Variants in DLGAP2 observed in about 807,000 individuals in gnomAD.
DLGAP2 encodes the protein DLG associated protein 2, also known as disks large-associated protein 2.
A neutral mutation model predicts 100.3 loss-of-function variants in DLGAP2; 26 were observed. The ratio of observed to expected loss-of-function variants is 0.26; its 90% CI spans 0.19 to 0.36. DLGAP2 has a LOEUF of 0.36. Among genes scored for constraint, DLGAP2 ranks in the 10% least tolerant of loss-of-function variants. DLGAP2 has a pLI of 1.00. For synonymous variants in DLGAP2, 886 were observed against 630.1 expected (o/e 1.41, Z -6.08); for missense variants, 1,858 against 1,453.2 (o/e 1.28, Z -4.53).
At chr8:1,366,744 C>T (rs1468559832) in intron 3 of DLGAP2, among the ~76,000 whole-genome samples, 2 of 152,142 alleles carry the variant, frequency 1.3e-5, no homozygotes, top group African/African-American at 2.4e-5. Flanking sequence ...GAGCAGGCAT[C>T]ATCCAGGAGG....
At chr8:1,051,387 G>GATCCAA (rs1802707134) in intron 2 of DLGAP2, among the ~76,000 whole-genome samples, 1 of 152,056 alleles carries the variant, frequency 6.6e-6, no homozygotes, top group Non-Finnish European at 1.5e-5. Flanking sequence ...GATGCAGAAT[G>GATCCAA]ATCCAATACC....
chr8:1,468,949 A>G (rs1408828034), intron 3 of DLGAP2, among the ~76,000 whole-genome samples: 1 of 152,146 alleles, frequency 6.6e-6, no homozygotes, highest in African/African-American at 2.4e-5. Context: ...TCGTCCTGGT[A>G]TTAGGACCAC....
intron 2 of DLGAP2, among the ~76,000 whole-genome samples, chr8:1,225,131 G>T (rs13263535): frequency 0.59 from 89,649 of 152,110 alleles, 27,924 homozygotes; most frequent in East Asian, 0.79. Flanking sequence ...GTGCGGGAGC[G>T]TCCATGCTCA....
At chr8:822,051 T>C (rs1796593177) in intron 1 of DLGAP2, 1 of 398,730 alleles carries the variant, frequency 2.5e-6, no homozygotes, top group South Asian at 1.3e-4. Flanking sequence ...TATTTACCCT[T>C]TTTATCACAT....
chr8:1,246,344 T>C (rs1798899990), intron 2 of DLGAP2, among the ~76,000 whole-genome samples: 1 of 152,360 alleles, frequency 6.6e-6, no homozygotes. Flanking sequence ...TTTCAAGCGA[T>C]GGTGCTTTTG....
intron 1 of DLGAP2, among the ~76,000 whole-genome samples, chr8:745,617 A>G (rs1820599745): frequency 6.6e-6 from 1 of 152,240 alleles, no homozygotes; most frequent in Non-Finnish European, 1.5e-5. Context: ...TGAATTTACA[A>G]TAAGTTAGCT....
intron 3 of DLGAP2, among the ~76,000 whole-genome samples, chr8:1,466,900 A>G (rs372368984): frequency 5.3e-4 from 81 of 151,972 alleles, no homozygotes; most frequent in African/African-American, 1.9e-3. Context: ...TCCCTTAACT[A>G]CAGCCTAAAC....
chr8:1,168,592 A>G (rs1221781968), intron 2 of DLGAP2, among the ~76,000 whole-genome samples: 41 of 149,160 alleles, frequency 2.7e-4, no homozygotes, highest in African/African-American at 8.2e-4. Flanking sequence ...GTGAGATGAT[A>G]TCTCATTGTG....
At chr8:1,120,005 G>A (rs1316149434) in intron 2 of DLGAP2, among the ~76,000 whole-genome samples, 1 of 152,188 alleles carries the variant, frequency 6.6e-6, no homozygotes, top group African/African-American at 2.4e-5. Context: ...GGGCTGGGCT[G>A]AAAAATGAGT....
At chr8:1,151,761 C>G (rs899971654) in intron 2 of DLGAP2, among the ~76,000 whole-genome samples, 7 of 152,180 alleles carry the variant, frequency 4.6e-5, no homozygotes, top group African/African-American at 1.7e-4. Flanking sequence ...CAGGATCAGG[C>G]ATTTAGGTTG....
intron 3 of DLGAP2, among the ~76,000 whole-genome samples, chr8:1,323,186 C>T (rs978468972): frequency 2.6e-5 from 4 of 152,130 alleles, no homozygotes; most frequent in East Asian, 3.9e-4. Context: ...CCAGCCTCCA[C>T]GCCCGGCTTA....
At chr8:1,150,771 A>G (rs1349865530) in intron 2 of DLGAP2, among the ~76,000 whole-genome samples, 2 of 152,226 alleles carry the variant, frequency 1.3e-5, no homozygotes, top group Non-Finnish European at 2.9e-5. Flanking sequence ...ACTCAAAAAC[A>G]TAGATGAGTT....
intron 1 of DLGAP2, among the ~76,000 whole-genome samples, chr8:903,013 A>G (rs1271785029): frequency 1.5e-3 from 7 of 4,574 alleles, no homozygotes; most frequent in African/African-American, 6.5e-3. Flanking sequence ...GTGGGTGGGC[A>G]GGGGTGGGGG....
At chr8:791,900 C>G (rs1040766196) in intron 1 of DLGAP2, among the ~76,000 whole-genome samples, 1 of 152,116 alleles carries the variant, frequency 6.6e-6, no homozygotes, top group African/African-American at 2.4e-5. Context: ...AGTTGCACAC[C>G]CCATTGGAGT....
At chr8:926,155 C>T (rs577276853) in intron 2 of DLGAP2, among the ~76,000 whole-genome samples, 6 of 152,240 alleles carry the variant, frequency 3.9e-5, no homozygotes, top group East Asian at 1.9e-4. Flanking sequence ...GTGAGCGGCT[C>T]GCCTGTGGTC....
At chr8:1,223,877 C>A (rs369587945) in intron 2 of DLGAP2, among the ~76,000 whole-genome samples, 2 of 152,174 alleles carry the variant, frequency 1.3e-5, no homozygotes, top group Admixed American at 1.3e-4. Flanking sequence ...ATGTTCTGTT[C>A]TCTAGCAAAC....
Position 1,036,709 on chromosome 8 carries a change from C to T in DLGAP2, c.73+128743C>T, listed in dbSNP as rs11997010. 8.0e-3 allele frequency among the ~76,000 whole-genome samples: 1,217 copies of T among 152,196 alleles called. 19 individuals carry two copies. Among genetic ancestry groups the T allele is most frequent in the African/African-American group, 0.027 (1,103 of 41,520 alleles). ...GTGTACATGGCAGGGAGGGTGCTGG[C>T]TCCGGCTCAGAACAGCTCCCAGCTG... On this transcript the variant is annotated intron_variant, in intron 2 of 14. Transcript: ENST00000637795.
At chr8:1,246,814 G>A (rs1335429227) in intron 2 of DLGAP2, 2 of 147,968 alleles carry the variant, frequency 1.4e-5, no homozygotes, top group Non-Finnish European at 3.0e-5. Context: ...CAAGACCTTT[G>A]AGATCAGTGT....
intron 3 of DLGAP2, among the ~76,000 whole-genome samples, chr8:1,378,933 A>G (rs374567001): frequency 6.6e-6 from 1 of 152,196 alleles, no homozygotes; most frequent in South Asian, 2.1e-4. Flanking sequence ...AAAACAGTCA[A>G]TCACTTCTAG....
Sources: allele counts gnomAD v4.1 joint callset (sites outside exome capture counted in the v4.1 genomes callset), GRCh38; gene constraint gnomAD v4.1.1; transcripts MANE v1.5; gene names NCBI Gene and HGNC (gene_info 2026-07-23, HGNC 2026-07-21).